Variants in TPCN2 observed in about 807,000 individuals in gnomAD.
TPCN2 encodes the protein two pore channel protein 2.
A neutral mutation model predicts 111.4 loss-of-function variants in TPCN2; 92 were observed. The ratio of observed to expected loss-of-function variants is 0.83; its 90% CI spans 0.70 to 0.98. TPCN2 has a LOEUF of 0.98. Among genes scored for constraint, TPCN2 ranks in the 50% least tolerant of loss-of-function variants. The pLI, the probability that TPCN2 is intolerant of heterozygous loss-of-function variation, is 0.00. For missense variants in TPCN2, 995 were observed against 980.1 expected, an observed-to-expected ratio of 1.02 and a Z score of -0.20; for synonymous variants, 405 against 414.5, an observed-to-expected ratio of 0.98 and a Z score of 0.28.
chr11:69,081,513 C>T lies in TPCN2; in HGVS notation c.1689+14C>T. On this transcript the variant is annotated intron_variant, in intron 18 of 24. Transcript: ENST00000294309. ...CCCAGCATGAAGGTGTGTGCCGGCC[C>T]CACCCCCACTCGCCCCACCCTCCTG... 6.5e-7 allele frequency: 1 copy of T among 1,533,518 alleles called. No homozygotes were observed. 95.0% of individuals were successfully genotyped at this position (1,533,518 alleles called of 1,614,324 possible).
At chr11:69,060,185 A>T (rs983636370) in intron 5 of TPCN2, among the ~76,000 whole-genome samples, 1 of 152,192 alleles carries the variant, frequency 6.6e-6, no homozygotes, top group African/African-American at 2.4e-5. Context: ...CCACTTGGGA[A>T]CATCCCCTTT....
intron 13 of TPCN2, among the ~76,000 whole-genome samples, chr11:69,077,009 TCCACCTGC>T (rs1855802762): frequency 1.4e-5 from 1 of 73,398 alleles, no homozygotes; most frequent in Non-Finnish European, 2.6e-5. Context: ...GCCACGTCCC[TCCACCTGC>T]CCTCCTGCCC....
At chr11:69,071,281 C>A in intron 9 of TPCN2, 75 bp from the exon 10 acceptor site, 1 of 1,217,976 alleles carries the variant, frequency 8.2e-7, no homozygotes, top group Non-Finnish European at 1.2e-6. Context: ...CTGTGCTATC[C>A]TGTGCCGGCC....
At chr11:69,086,389 G>A in intron 22 of TPCN2, 134 bp from the exon 23 acceptor site, 1 of 751,086 alleles carries the variant, frequency 1.3e-6, no homozygotes, top group South Asian at 1.5e-5. Flanking sequence ...GATGGAAATA[G>A]TAACGCGCTC....
chr11:69,081,524 C>T lies in TPCN2; in HGVS notation c.1689+25C>T, dbSNP rs1224546872. The T allele has an allele frequency of 2.9e-5, 44 of 1,502,352 alleles. No individual in the cohort carries two copies. In the East Asian group the frequency reaches 3.7e-4, roughly 13 times the overall value. The allele number at this position is 1,502,352 out of a possible 1,614,324, so 93.1% of individuals were successfully genotyped here. ...GGTGTGTGCCGGCCCCACCCCCACTCGCCCCACCCTCCTGGGTCATGCTGC... is the reference window on the plus strand; with the variant it reads ...GGTGTGTGCCGGCCCCACCCCCACTTGCCCCACCCTCCTGGGTCATGCTGC... On this transcript the variant is annotated intron_variant, in intron 18 of 24. Transcript: ENST00000294309.
At chr11:69,069,174 T>TCTGGACC (rs1263463232) in intron 8 of TPCN2, among the ~76,000 whole-genome samples, 1 of 69,738 alleles carries the variant, frequency 1.4e-5, no homozygotes, top group Non-Finnish European at 2.9e-5. Context: ...GGAGCAGGAC[T>TCTGGACC]GTCTGAGTCC....
intron 18 of TPCN2, among the ~76,000 whole-genome samples, chr11:69,081,754 C>T (rs1392268962): frequency 6.6e-6 from 1 of 151,834 alleles, no homozygotes; most frequent in Admixed American, 6.6e-5. Flanking sequence ...AATGCTTTGG[C>T]CAGTGGCAGG....
rs776907811 is a variant in TPCN2, at chr11:69,055,131, G to C, written c.252-44G>C. On this transcript the variant is annotated intron_variant, in intron 3 of 24. Coordinates refer to ENST00000294309, the MANE Select transcript of TPCN2 (RefSeq NM_139075.4). ...CTCCTGACCAGCCTCTGGGCCCTGA[G>C]GGCTGCTGGCTCCTGTGTTTTCATG... 1.9e-6 allele frequency: 3 copies of C among 1,597,944 alleles called. No homozygotes were observed. In the South Asian group the frequency reaches 3.4e-5, roughly 18 times the overall value.
intron 21 of TPCN2, 39 bp downstream of exon 21, chr11:69,085,791 G>T (rs1286921268): frequency 1.9e-6 from 3 of 1,613,026 alleles, no homozygotes; most frequent in Non-Finnish European, 2.5e-6. Context: ...TGCTCCCCGG[G>T]CTCCTCCCCT....
chr11:69,049,999 C>T (rs1352342641), intron 1 of TPCN2, among the ~76,000 whole-genome samples: 1 of 152,228 alleles, frequency 6.6e-6, no homozygotes, highest in East Asian at 1.9e-4. Context: ...TGGCTCCTTC[C>T]CTCTCTGGCC....
intron 2 of TPCN2, 86 bp downstream of exon 2, chr11:69,054,183 C>T: frequency 9.5e-7 from 1 of 1,058,166 alleles, no homozygotes; most frequent in Non-Finnish European, 1.4e-6. Context: ...CTGACTGGGT[C>T]CAAGGCCTCC....
chr11:69,079,288 A>G, intron 16 of TPCN2: 1 of 496,948 alleles, frequency 2.0e-6, no homozygotes, highest in Non-Finnish European at 3.5e-6. Flanking sequence ...GCCCTGAAGG[A>G]CTTGTAGCCC....
intron 13 of TPCN2, 131 bp downstream of exon 13, chr11:69,073,132 G>A (rs1855611231): frequency 1.5e-6 from 1 of 656,966 alleles, no homozygotes. Flanking sequence ...CTCCTAGTAT[G>A]GGAACTGGGA....
Position 69,081,519 on chromosome 11 carries a change from C to G in TPCN2, c.1689+20C>G. 1 of 1,510,000 alleles carries G rather than the reference C, an allele frequency of 6.6e-7. No individual in the cohort carries two copies. The highest frequency in any genetic ancestry group is 9.0e-7 in the Non-Finnish European group (1 of 1,115,750). The allele number at this position is 1,510,000 out of a possible 1,614,324, so 93.5% of individuals were successfully genotyped here. The stretch of plus-strand genomic sequence containing the variant: ...ATGAAGGTGTGTGCCGGCCCCACCC[C>G]CACTCGCCCCACCCTCCTGGGTCAT... On this transcript the variant is annotated intron_variant, in intron 18 of 24. Coordinates refer to ENST00000294309, the MANE Select transcript of TPCN2 (RefSeq NM_139075.4).
Position 69,078,613 on chromosome 11 carries a change from T to A in TPCN2, c.1350+12T>A. 6.2e-7 allele frequency: 1 copy of A among 1,613,916 alleles called. No individual in the cohort carries two copies. Among genetic ancestry groups the A allele is most frequent in the Non-Finnish European group, 8.5e-7 (1 of 1,180,028 alleles). On this transcript the variant is annotated intron_variant, in intron 14 of 24. Coordinates refer to ENST00000294309, the MANE Select transcript of TPCN2 (RefSeq NM_139075.4). ...TGGTGTCCATTTGCGTGAGTGTGGATTTGCCCCAGAGCTGGCACGGAAGTG... is the reference window on the plus strand; with the variant it reads ...TGGTGTCCATTTGCGTGAGTGTGGAATTGCCCCAGAGCTGGCACGGAAGTG...
chr11:69,069,351 C>T (rs1432746314), intron 8 of TPCN2, among the ~76,000 whole-genome samples: 2 of 33,430 alleles, frequency 6.0e-5, no homozygotes, highest in African/African-American at 1.5e-4. Context: ...AGGAAGTTAC[C>T]GCAGTGGGAG....
chr11:69,052,613 C>T (rs145928552), intron 1 of TPCN2, among the ~76,000 whole-genome samples: 4 of 152,234 alleles, frequency 2.6e-5, no homozygotes, highest in Admixed American at 6.5e-5. Context: ...GGGTGGGGTC[C>T]GGTCTCCTGC....
intron 24 of TPCN2, 99 bp from the exon 25 acceptor site, chr11:69,087,776 T>C: frequency 1.1e-6 from 1 of 898,650 alleles, no homozygotes; most frequent in Non-Finnish European, 1.7e-6. Context: ...TGACACTCAC[T>C]TCGCATGTGT....
At chr11:69,068,979 T>C (rs76603088) in intron 8 of TPCN2, among the ~76,000 whole-genome samples, 2,330 of 6,794 alleles carry the variant, frequency 0.34, 992 homozygotes, top group Non-Finnish European at 0.65. Flanking sequence ...GGAGCAGGAC[T>C]GTCTGAGTCC....
Sources: gnomAD v4.1 joint callset for allele counts (sites outside exome capture counted in the v4.1 genomes callset) on GRCh38, gnomAD v4.1.1 for gene constraint, MANE v1.5 for transcripts, NCBI Gene and HGNC (gene_info 2026-07-23, HGNC 2026-07-21) for gene names.